Variants in PHF8 observed in about 807,000 individuals in gnomAD.
PHF8 encodes histone lysine demethylase PHF8.
Under a neutral mutation model 74.4 loss-of-function variants are expected in PHF8, and 9 were observed. That is an observed-to-expected ratio of 0.12 (90% confidence interval 0.07 to 0.21). The LOEUF is 0.21. PHF8 is among the 10% of genes least tolerant of loss of function. PHF8 has a pLI of 1.00. For synonymous variants in PHF8, 311 were observed against 316.6 expected (o/e 0.98, Z 0.19); for missense variants, 478 against 816.6 (o/e 0.59, Z 5.05).
chrX:54,024,990 C>G (rs1375839664), intron 2 of PHF8, among the ~76,000 whole-genome samples: 7 of 110,655 alleles, frequency 6.3e-5, no homozygotes, highest in Non-Finnish European at 1.3e-4. Flanking sequence ...CATTCTCCTG[C>G]CTCAGCCTCC....
At chrX:53,996,552 C>T (rs1208329122) in intron 11 of PHF8, among the ~76,000 whole-genome samples, 1 of 110,115 alleles carries the variant, frequency 9.1e-6, no homozygotes, top group Non-Finnish European at 1.9e-5. Flanking sequence ...TTACTTCTTA[C>T]TATTTTCTTG....
intron 19 of PHF8, 179 bp from the exon 20 acceptor site, chrX:53,944,422 C>T (rs1449976634): frequency 5.3e-5 from 23 of 436,917 alleles, no homozygotes; most frequent in Non-Finnish European, 8.0e-5. Context: ...TCAAAGCACA[C>T]ACTGATTAAA....
chrX:53,980,485 C>A (rs1351557882), intron 18 of PHF8, among the ~76,000 whole-genome samples: 1 of 111,141 alleles, frequency 9.0e-6, no homozygotes, highest in African/African-American at 3.3e-5. Flanking sequence ...TCTGCCAGCA[C>A]CTTGATCTTC....
chrX:53,966,765 G>A (rs1281350539), intron 18 of PHF8, among the ~76,000 whole-genome samples: 1 of 108,970 alleles, frequency 9.2e-6, no homozygotes, highest in East Asian at 3.0e-4. Context: ...CTGCCCGGCT[G>A]CCATCCCATC....
At chrX:53,949,811 C>CAA (rs11353359) in intron 19 of PHF8, among the ~76,000 whole-genome samples, 3,735 of 24,158 alleles carry the variant, frequency 0.15, 354 homozygotes, top group African/African-American at 0.2. Flanking sequence ...GACTCCGTCT[C>CAA]AAAAAAAAAA....
chrX:53,988,494 G>C (rs1557100385), intron 14 of PHF8, among the ~76,000 whole-genome samples: 1 of 110,265 alleles, frequency 9.1e-6, no homozygotes, highest in East Asian at 2.8e-4. Context: ...TATGACCTGG[G>C]ATTAAGTAAA....
intron 2 of PHF8, among the ~76,000 whole-genome samples, chrX:54,037,179 G>C (rs2066477773): frequency 9.0e-6 from 1 of 111,415 alleles, no homozygotes; most frequent in Non-Finnish European, 1.9e-5. Context: ...CTTGTTCTTT[G>C]AAAAGATCCA....
intron 12 of PHF8, among the ~76,000 whole-genome samples, chrX:53,994,473 ATTCAAAGCAGTT>A (rs1369341418): frequency 8.9e-6 from 1 of 112,699 alleles, no homozygotes; most frequent in African/African-American, 3.2e-5. Flanking sequence ...CCTTCATCTT[ATTCAAAGCAGTT>A]ATGCTTTGAA....
chrX:54,040,431 G>A (rs990939227), intron 2 of PHF8, among the ~76,000 whole-genome samples: 3 of 112,027 alleles, frequency 2.7e-5, no homozygotes, highest in African/African-American at 9.7e-5. Context: ...TCTGCCCTCA[G>A]GAAGCTCTGG....
At chrX:54,021,802 C>T (rs1557110020) in intron 4 of PHF8, among the ~76,000 whole-genome samples, 1 of 111,150 alleles carries the variant, frequency 9.0e-6, no homozygotes, top group Non-Finnish European at 1.9e-5. Context: ...TGAACATGGT[C>T]TACTGAATTA....
chrX:54,047,427 C>A (rs1747435838), upstream of PHF8, among the ~76,000 whole-genome samples: 1 of 111,387 alleles, frequency 9.0e-6, no homozygotes, highest in South Asian at 3.8e-4. Context: ...ACATTAATTC[C>A]CTCACCCAAC....
Position 53,974,850 on chromosome X carries a change from C to A in PHF8, c.2443+10064G>T, listed in dbSNP as rs782432531. On this transcript the variant is annotated intron_variant, in intron 18 of 21. Transcript: ENST00000338154. ...CCATGTTCTCACTTGTAAGTGGGAG[C>A]TGAATGACGAGAACACATGGACACA... Among the ~76,000 whole-genome samples the A allele has an allele frequency of 2.7e-5, 3 of 111,863 alleles. No homozygotes were observed. The Admixed American group carries it at 2.9e-4, about 11-fold the overall frequency.
At chrX:54,033,536 A>C (rs1257125588) in intron 2 of PHF8, among the ~76,000 whole-genome samples, 1 of 111,274 alleles carries the variant, frequency 9.0e-6, no homozygotes, top group Non-Finnish European at 1.9e-5. Flanking sequence ...AACACGGTGA[A>C]ACCCCATTTC....
chrX:54,001,910 T>C (rs1207137011), intron 10 of PHF8, among the ~76,000 whole-genome samples: 1 of 111,462 alleles, frequency 9.0e-6, no homozygotes, highest in East Asian at 2.8e-4. Flanking sequence ...AGTGAAATCC[T>C]ATCTCAAAAA....
At chrX:54,039,710 A>G (rs1267113102) in intron 2 of PHF8, 2 of 111,840 alleles carry the variant, frequency 1.8e-5, no homozygotes, top group African/African-American at 6.5e-5. Context: ...GTTTCCTCAC[A>G]TTATTTATAA....
chrX:54,014,018 C>T (rs2149873486), intron 7 of PHF8, among the ~76,000 whole-genome samples: 1 of 109,853 alleles, frequency 9.1e-6, no homozygotes, highest in East Asian at 2.9e-4. Flanking sequence ...TGCAGTGGCA[C>T]AATCTCGGCT....
chrX:54,026,091 C>A (rs888350222), intron 2 of PHF8, among the ~76,000 whole-genome samples: 1 of 111,633 alleles, frequency 9.0e-6, no homozygotes, highest in Non-Finnish European at 1.9e-5. Flanking sequence ...CGGTGGCTCA[C>A]GCCTGTAATC....
intron 13 of PHF8, 137 bp from the exon 14 acceptor site, chrX:53,992,976 C>A (rs1295249018): frequency 4.0e-6 from 2 of 503,435 alleles, no homozygotes; most frequent in African/African-American, 2.3e-5. Context: ...ACTGTCCCCC[C>A]ATACCCCCAC....
At chrX:53,958,508 G>A (rs1292685339) in intron 19 of PHF8, among the ~76,000 whole-genome samples, 4 of 106,677 alleles carry the variant, frequency 3.7e-5, no homozygotes, top group East Asian at 6.0e-4. Context: ...ATGGCCGGGC[G>A]TAGTGGCTCA....
Sources: gnomAD v4.1 joint callset for allele counts (sites outside exome capture counted in the v4.1 genomes callset) on GRCh38, gnomAD v4.1.1 for gene constraint, MANE v1.5 for transcripts, NCBI Gene and HGNC (gene_info 2026-07-23, HGNC 2026-07-21) for gene names.